Variants in SEC11A observed in about 807,000 individuals in gnomAD.
SEC11A encodes the protein signal peptidase complex catalytic subunit SEC11A.
Under a neutral mutation model 25.6 loss-of-function variants are expected in SEC11A, and 14 were observed. That is an observed-to-expected ratio of 0.55 (90% CI 0.36 to 0.85). The LOEUF (loss-of-function observed/expected upper bound fraction) is 0.85, where lower values mean the gene tolerates loss of function less well. Ranked by LOEUF, SEC11A falls within the 40% of genes least tolerant of loss-of-function variation. The pLI is 0.01. For synonymous variants in SEC11A, 83 were observed against 76.4 expected (o/e 1.09, Z -0.45); for missense variants, 153 against 222.9 (o/e 0.69, Z 2.00).
At chr15:84,707,024 A>G (rs1350847956) in intron 1 of SEC11A, among the ~76,000 whole-genome samples, 2 of 152,100 alleles carry the variant, frequency 1.3e-5, no homozygotes, top group African/African-American at 2.4e-5. Flanking sequence ...GTCTCACTCC[A>G]GCAGCTGGAT....
chr15:84,714,018 C>CTTTTTTTT (rs34873142), intron 1 of SEC11A, among the ~76,000 whole-genome samples: 1 of 100,428 alleles, frequency 1.0e-5, no homozygotes. Flanking sequence ...CATATACCTT[C>CTTTTTTTT]TTTTTTTTTT....
chr15:84,703,984 G>C (rs1052298579), intron 1 of SEC11A, among the ~76,000 whole-genome samples: 1 of 152,086 alleles, frequency 6.6e-6, no homozygotes, highest in Non-Finnish European at 1.5e-5. Context: ...GGCTGCAGCA[G>C]CCAAGATAAA....
At chr15:84,671,205 G>A (rs1896974931) in intron 4 of SEC11A, 1 of 153,182 alleles carries the variant, frequency 6.5e-6, no homozygotes, top group African/African-American at 2.4e-5. Flanking sequence ...TGGCCAAAAA[G>A]TGAGTGTAAG....
intron 3 of SEC11A, 100 bp downstream of exon 3, chr15:84,687,525 G>C (rs2141889454): frequency 1.1e-6 from 1 of 944,458 alleles, no homozygotes; most frequent in South Asian, 2.3e-5. Context: ...AAGGCCTAGA[G>C]GTTCCTCACT....
Position 84,712,272 on chromosome 15 carries a change from T to C in SEC11A, c.51+3753A>G, listed in dbSNP as rs145919304. ...AAAAAAAATTCTAAGAAACCCAACA[T>C]ACCTCTACCTCTATTACAAAGCCCA... On this transcript the variant is annotated intron_variant, in intron 1 of 5. Coordinates refer to ENST00000268220, the MANE Select transcript of SEC11A (RefSeq NM_014300.4). 5.7e-3 allele frequency among the ~76,000 whole-genome samples: 867 copies of C among 151,478 alleles called. 3 individuals carry two copies. The highest frequency in any genetic ancestry group is 0.019 in the African/African-American group (804 of 41,318).
intron 2 of SEC11A, 114 bp from the exon 3 acceptor site, chr15:84,687,888 C>T: frequency 1.2e-6 from 1 of 820,070 alleles, no homozygotes; most frequent in Non-Finnish European, 1.8e-6. Flanking sequence ...ACTCAATACC[C>T]TAACAACTAT....
At chr15:84,688,574 TAAC>T (rs1366267873) in intron 2 of SEC11A, among the ~76,000 whole-genome samples, 1 of 152,204 alleles carries the variant, frequency 6.6e-6, no homozygotes, top group African/African-American at 2.4e-5. Flanking sequence ...CGGTTTTCTA[TAAC>T]AACAGCTTAA....
chr15:84,706,161 C>T (rs1309223349), intron 1 of SEC11A, among the ~76,000 whole-genome samples: 1 of 152,076 alleles, frequency 6.6e-6, no homozygotes, highest in African/African-American at 2.4e-5. Context: ...CCTGCCTCAG[C>T]CTCCCAAAGT....
chr15:84,705,448 A>G (rs1898067115), intron 1 of SEC11A, among the ~76,000 whole-genome samples: 1 of 152,164 alleles, frequency 6.6e-6, no homozygotes, highest in Non-Finnish European at 1.5e-5. Context: ...CTGAACTGAC[A>G]ACCAACATTT....
chr15:84,709,971 G>T (rs1436400962), intron 1 of SEC11A, among the ~76,000 whole-genome samples: 1 of 151,990 alleles, frequency 6.6e-6, no homozygotes, highest in African/African-American at 2.4e-5. Context: ...TCAAACTCCT[G>T]GGCTCAAGCG....
intron 1 of SEC11A, among the ~76,000 whole-genome samples, chr15:84,698,935 A>T (rs930760178): frequency 3.9e-5 from 6 of 152,244 alleles, no homozygotes. Context: ...CCGTACATAA[A>T]TCGTAGTATT....
intron 1 of SEC11A, among the ~76,000 whole-genome samples, chr15:84,702,331 G>A (rs1897972104): frequency 6.7e-6 from 1 of 148,750 alleles, no homozygotes; most frequent in Non-Finnish European, 1.5e-5. Context: ...CGTGGTGGCG[G>A]GCACCCGTAA....
intron 3 of SEC11A, among the ~76,000 whole-genome samples, chr15:84,687,233 C>CAGA (rs1897453828): frequency 6.6e-6 from 1 of 152,162 alleles, no homozygotes; most frequent in Non-Finnish European, 1.5e-5. Context: ...AGGCTGACCT[C>CAGA]AAACTCCTGA....
intron 1 of SEC11A, among the ~76,000 whole-genome samples, chr15:84,693,288 GTTGT>G (rs1320139943): frequency 6.6e-6 from 1 of 150,916 alleles, no homozygotes; most frequent in African/African-American, 2.4e-5. Flanking sequence ...TGGTTTCTTT[GTTGT>G]TTTTTTCTTC....
At chr15:84,712,306 T>C (rs1275633650) in intron 1 of SEC11A, among the ~76,000 whole-genome samples, 1 of 151,966 alleles carries the variant, frequency 6.6e-6, no homozygotes, top group Non-Finnish European at 1.5e-5. Context: ...CAGAATCCAG[T>C]ACACTGACAA....
intron 1 of SEC11A, among the ~76,000 whole-genome samples, chr15:84,699,163 A>G (rs1002706809): frequency 6.6e-6 from 1 of 151,798 alleles, no homozygotes; most frequent in Non-Finnish European, 1.5e-5. Flanking sequence ...AAAAATACAA[A>G]ATTTAGCCAG....
In SEC11A at chr15:84,687,565, A is replaced by T. The variant is rs566998218; in HGVS notation, c.311+60T>A. The T allele has an allele frequency of 3.5e-6, 5 of 1,409,428 alleles. No homozygotes were observed. In the East Asian group the frequency reaches 1.0e-4, roughly 30 times the overall value. 87.3% of individuals were successfully genotyped at this position (1,409,428 alleles called of 1,614,324 possible). A position where few individuals can be genotyped will look rare whatever the true frequency, so the allele number is the denominator to read the frequency against. The stretch of plus-strand genomic sequence containing the variant: ...TACAATCTTTAGGCTATCAAAACTA[A>T]ATACCACAAACACTTAAACAAAAGC... On this transcript the variant is annotated intron_variant, in intron 3 of 5. Transcript: ENST00000268220.
chr15:84,681,623 C>A (rs890078445), intron 3 of SEC11A, among the ~76,000 whole-genome samples: 1 of 152,048 alleles, frequency 6.6e-6, no homozygotes, highest in Non-Finnish European at 1.5e-5. Flanking sequence ...GAGCGAGACT[C>A]CATCCCAAAA....
chr15:84,705,964 T>G (rs1334326279), intron 1 of SEC11A, among the ~76,000 whole-genome samples: 1 of 151,750 alleles, frequency 6.6e-6, no homozygotes, highest in African/African-American at 2.4e-5. Flanking sequence ...CAGGCTGGAG[T>G]GCAGTGGCAC....
Sources: gnomAD v4.1 joint callset for allele counts (sites outside exome capture counted in the v4.1 genomes callset) on GRCh38, gnomAD v4.1.1 for gene constraint, MANE v1.5 for transcripts, NCBI Gene and HGNC (gene_info 2026-07-23, HGNC 2026-07-21) for gene names.